The following SLC11A2 variants were observed in gnomAD, a reference collection of about 807,000 sequenced individuals.
SLC11A2 encodes natural resistance-associated macrophage protein 2.
In SLC11A2, 38 loss-of-function variants were observed where a neutral mutation model predicts 68.0. The observed-to-expected ratio is 0.56, with a 90% CI of 0.43 to 0.73. The LOEUF is 0.73. Among genes scored for constraint, SLC11A2 ranks in the 30% least tolerant of loss-of-function variants. SLC11A2 has a pLI of 0.00. For synonymous variants in SLC11A2, 242 were observed against 250.6 expected (o/e 0.97, Z 0.32); for missense variants, 517 against 690.5 (o/e 0.75, Z 2.82).
chr12:50,975,581 C>T (rs1939837489), downstream of SLC11A2, among the ~76,000 whole-genome samples: 2 of 151,998 alleles, frequency 1.3e-5, no homozygotes, highest in Admixed American at 6.6e-5. Flanking sequence ...ATTAAAAGAA[C>T]TAGAGAAGCA....
At chr12:51,027,672 C>T (rs1444458195), upstream of SLC11A2, among the ~76,000 whole-genome samples, 1 of 152,094 alleles carries the variant, frequency 6.6e-6, no homozygotes, top group Admixed American at 6.6e-5. Context: ...AACAAATTAC[C>T]GTAATTTTCT....
chr12:50,978,393 C>T (rs1309864051), downstream of SLC11A2, among the ~76,000 whole-genome samples: 1 of 150,102 alleles, frequency 6.7e-6, no homozygotes, highest in Non-Finnish European at 1.5e-5. Flanking sequence ...ATCGCAAGGA[C>T]AAAAAACCAA....
At chr12:51,007,107 C>T (rs1192136166) in intron 3 of SLC11A2, among the ~76,000 whole-genome samples, 2 of 152,098 alleles carry the variant, frequency 1.3e-5, no homozygotes, top group Non-Finnish European at 2.9e-5. Context: ...GGTGCCCCCT[C>T]CCCACTTCAA....
the SLC11A2 span, among the ~76,000 whole-genome samples, chr12:50,969,917 G>T: frequency 6.6e-6 from 1 of 152,016 alleles, no homozygotes; most frequent in African/African-American, 2.4e-5. Context: ...ACTCATTAAA[G>T]CAGCTCCTCT....
At position 50,986,183 on chromosome 12, in the gene SLC11A2, C is replaced by T. The variant is rs1372870696; in HGVS notation, c.*2142G>A. ...TATTTCATGTCACATTTAAGAAGAA[C>T]AAGAACCAATTTATATAAAGTACAA... is the stretch of plus-strand genomic sequence containing the variant. On this transcript the variant is annotated 3_prime_UTR_variant, in exon 16 of 16. Transcript: ENST00000262052. 8 of 1,284,878 alleles carry T rather than the reference C, an allele frequency of 6.2e-6. No homozygotes were observed. The highest frequency in any genetic ancestry group is 8.1e-6 in the Non-Finnish European group (8 of 986,908). The allele number at this position is 1,284,878 out of a possible 1,614,324, so 79.6% of individuals were successfully genotyped here.
chr12:51,001,976 C>T, intron 5 of SLC11A2, among the ~76,000 whole-genome samples: 1 of 152,152 alleles, frequency 6.6e-6, no homozygotes, highest in East Asian at 1.9e-4. Flanking sequence ...TCTGGCCAAA[C>T]AATACAGCTG....
At chr12:51,011,179 A>T (rs1943189473) in intron 1 of SLC11A2, among the ~76,000 whole-genome samples, 1 of 150,092 alleles carries the variant, frequency 6.7e-6, no homozygotes, top group African/African-American at 2.5e-5. Flanking sequence ...CCCAGGCTGG[A>T]GTGCAGTGGT....
chr12:50,959,470 TTTG>T, the SLC11A2 span, among the ~76,000 whole-genome samples: 1 of 152,204 alleles, frequency 6.6e-6, no homozygotes, highest in Admixed American at 6.5e-5. Flanking sequence ...TTCTTCAGTT[TTTG>T]TTGTTGTATT....
downstream of SLC11A2, chr12:50,985,951 A>C (rs1271193578): frequency 4.4e-6 from 5 of 1,144,278 alleles, no homozygotes; most frequent in East Asian, 3.2e-4. Flanking sequence ...AACCCTATTA[A>C]TAAATTATTT....
intron 11 of SLC11A2, chr12:50,993,191 T>TGAA (rs1941353313): frequency 9.7e-6 from 2 of 206,576 alleles, no homozygotes; most frequent in African/African-American, 5.4e-5. Context: ...TCTTAAATAT[T>TGAA]AAAAAAAAAA....
rs138708886 is a variant in SLC11A2, at chr12:50,991,624, C to T, written c.1396G>A (p.Val466Ile). 1 of 1,613,932 alleles carries T rather than the reference C, an allele frequency of 6.2e-7. No homozygotes were observed. Among genetic ancestry groups the T allele is most frequent in the Non-Finnish European group, 8.5e-7 (1 of 1,179,914 alleles). The stretch of plus-strand genomic sequence containing the variant: ...AGTCCATTGGCAAAGTCACTCATTA[C>T]TGGCCGCAAGCTCGTAAATGTGAGG... ...PILTFTSLRPVMSDFANGLGW... is the reference protein window; with the variant it reads ...PILTFTSLRPIMSDFANGLGW... The change falls in exon 14 of 16, where the codon GTA becomes ATA. Residue 466 changes from valine to isoleucine, a missense_variant. By Grantham distance (29) the Val-to-Ile change is conservative (BLOSUM62 3). Coordinates refer to ENST00000262052, the MANE Select transcript of SLC11A2 (RefSeq NM_000617.3).
At chr12:50,954,112 G>A in the SLC11A2 span, 1 of 1,427,734 alleles carries the variant, frequency 7.0e-7, no homozygotes, top group Non-Finnish European at 9.8e-7. Context: ...AGCCTTGACT[G>A]GATGCAGAAA....
the SLC11A2 span, among the ~76,000 whole-genome samples, chr12:50,965,691 A>T: frequency 5.9e-5 from 9 of 152,164 alleles, no homozygotes; most frequent in Non-Finnish European, 8.8e-5. Flanking sequence ...CAAAGTATGG[A>T]TTAGTGTCAA....
intron 11 of SLC11A2, 95 bp downstream of exon 11, chr12:50,994,449 T>C: frequency 2.5e-6 from 2 of 801,552 alleles, no homozygotes; most frequent in Admixed American, 1.8e-5. Flanking sequence ...CCAGAGGAGA[T>C]ATGCTCATAT....
At chr12:51,022,795 G>C (rs1266072849) in intron 1 of SLC11A2, among the ~76,000 whole-genome samples, 1 of 152,146 alleles carries the variant, frequency 6.6e-6, no homozygotes, top group Non-Finnish European at 1.5e-5. Context: ...TTTCCTAGGA[G>C]TTTTAACAGC....
intron 6 of SLC11A2, 136 bp downstream of exon 6, chr12:51,000,177 G>A: frequency 1.4e-6 from 1 of 713,128 alleles, no homozygotes; most frequent in South Asian, 1.5e-5. Flanking sequence ...AGAAGAAATT[G>A]TTTCCAGAAA....
intron 5 of SLC11A2, 42 bp downstream of exon 5, chr12:51,004,746 T>C (rs1942573394): frequency 1.2e-6 from 2 of 1,609,780 alleles, no homozygotes; most frequent in African/African-American, 2.7e-5. Flanking sequence ...CACAGATTCC[T>C]ATGGCATGGG....
At chr12:51,015,085 G>A (rs1419124941) in intron 1 of SLC11A2, among the ~76,000 whole-genome samples, 2 of 151,220 alleles carry the variant, frequency 1.3e-5, no homozygotes, top group Non-Finnish European at 2.9e-5. Flanking sequence ...GCTTGAACCC[G>A]GGAGGTGGAG....
upstream of SLC11A2, among the ~76,000 whole-genome samples, chr12:51,026,627 G>A (rs1038202236): frequency 6.6e-6 from 1 of 152,074 alleles, no homozygotes; most frequent in Non-Finnish European, 1.5e-5. Context: ...CTGGACTGGG[G>A]AGCTCCAGTC....
Sources: allele counts gnomAD v4.1 joint callset (sites outside exome capture counted in the v4.1 genomes callset), GRCh38; gene constraint gnomAD v4.1.1; transcripts MANE v1.5; gene names NCBI Gene and HGNC (gene_info 2026-07-23, HGNC 2026-07-21).